Variants in GLT6D1 observed in about 807,000 individuals in gnomAD.
The protein encoded by GLT6D1 is glycosyltransferase 6 domain containing 1.
A neutral mutation model predicts 12.3 loss-of-function variants in GLT6D1; 9 were observed. The ratio of observed to expected loss-of-function variants is 0.73; its 90% CI spans 0.44 to 1.27. The LOEUF is 1.27. Ranked by LOEUF, GLT6D1 falls within the 50% of genes most tolerant of loss-of-function variation. GLT6D1 has a pLI of 0.00. For synonymous variants in GLT6D1, 128 were observed against 132.3 expected (o/e 0.97, Z 0.23); for missense variants, 335 against 346.2 (o/e 0.97, Z 0.26).
chr9:135,624,092 A>G lies in GLT6D1; in HGVS notation c.*5T>C. 1 of 1,583,920 alleles carries G rather than the reference A, an allele frequency of 6.3e-7. No individual in the cohort carries two copies. Among genetic ancestry groups the G allele is most frequent in the Middle Eastern group, 1.7e-4 (1 of 5,824 alleles). Reference sequence around the variant, plus strand: ...AAGATCCCAGCTGTATGCTGGTGATAACAGCTAGGTGGGTTTATTGAGGTA... The same window carrying G: ...AAGATCCCAGCTGTATGCTGGTGATGACAGCTAGGTGGGTTTATTGAGGTA... On this transcript the variant is annotated 3_prime_UTR_variant, in exon 5 of 5. Coordinates refer to ENST00000371763, the MANE Select transcript of GLT6D1 (RefSeq NM_182974.3).
At position 135,624,290 on chromosome 9, in the gene GLT6D1, G is replaced by A. The variant is rs752200459; in HGVS notation, c.638C>T (p.Thr213Ile). The A allele has an allele frequency of 6.2e-7, 1 of 1,604,970 alleles. No individual in the cohort carries two copies. The highest frequency in any genetic ancestry group is 8.5e-7 in the Non-Finnish European group (1 of 1,175,482). The change falls in exon 5 of 5, where the codon ACC becomes ATC. Residue 213 changes from threonine to isoleucine, a missense_variant. Physicochemically the swap from Thr to Ile is moderately conservative, Grantham distance 89. Coordinates refer to ENST00000371763, the MANE Select transcript of GLT6D1 (RefSeq NM_182974.3). ...TCCAAACGGGATGCAAGCTGCTGAG[G>A]TCGGCCTCCTCTCATAAGGGAAGTT... The part of the protein sequence containing the change: ...TKNFPYERRP[T>I]SAACIPFGQG...
At chr9:135,633,167 C>T (rs1833688054) in intron 2 of GLT6D1, among the ~76,000 whole-genome samples, 1 of 152,228 alleles carries the variant, frequency 6.6e-6, no homozygotes, top group Non-Finnish European at 1.5e-5. Flanking sequence ...CAGTTGACCC[C>T]CTCCAGCCTT....
intron 3 of GLT6D1, among the ~76,000 whole-genome samples, chr9:135,627,238 T>G (rs7026696): frequency 9.7e-5 from 11 of 113,464 alleles, no homozygotes; most frequent in Admixed American, 1.8e-4. Flanking sequence ...TAAGGAATCT[T>G]AAAAAAAAAC....
At position 135,624,290 on chromosome 9, in the gene GLT6D1, G is replaced by T. The variant is rs752200459; in HGVS notation, c.638C>A (p.Thr213Asn). 1 of 1,605,088 alleles carries T rather than the reference G, an allele frequency of 6.2e-7. No homozygotes were observed. ...TKNFPYERRP[T>N]SAACIPFGQG... ...TCCAAACGGGATGCAAGCTGCTGAG[G>T]TCGGCCTCCTCTCATAAGGGAAGTT... Residue 213 changes from threonine to asparagine, a missense_variant, in exon 5 of 5, where the codon ACC becomes AAC. By Grantham distance (65) the Thr-to-Asn change is moderately conservative (BLOSUM62 0). Transcript: ENST00000371763.
rs560408659 is a variant in GLT6D1, at chr9:135,623,978, C to T, written c.*119G>A. On this transcript the variant is annotated 3_prime_UTR_variant, in exon 5 of 5. Coordinates refer to ENST00000371763, the MANE Select transcript of GLT6D1 (RefSeq NM_182974.3). ...AAGAAATTGCCGTGATTCATTTATT[C>T]GTCATAAACCTCATGGCGTAATTCA... 8 of 659,708 alleles carry T rather than the reference C, an allele frequency of 1.2e-5. No homozygotes were observed. Among genetic ancestry groups the T allele is most frequent in the African/African-American group, 9.3e-5 (5 of 53,682 alleles). The allele number at this position is 659,708 out of a possible 1,614,324, so 40.9% of individuals were successfully genotyped here. A position where few individuals can be genotyped will look rare whatever the true frequency, so the allele number is the denominator to read the frequency against.
chr9:135,625,176 A>C (rs1402206673), intron 4 of GLT6D1, among the ~76,000 whole-genome samples: 2 of 152,114 alleles, frequency 1.3e-5, no homozygotes, highest in East Asian at 3.9e-4. Context: ...TGAGTTGGTG[A>C]GTGGGAAGGA....
chr9:135,625,671 C>A (rs1371139519), intron 4 of GLT6D1, among the ~76,000 whole-genome samples: 1 of 152,182 alleles, frequency 6.6e-6, no homozygotes, highest in East Asian at 1.9e-4. Flanking sequence ...CAACAAAATG[C>A]AGCAAGACCA....
At chr9:135,636,281 G>A (rs1028780375) in intron 2 of GLT6D1, among the ~76,000 whole-genome samples, 6 of 152,186 alleles carry the variant, frequency 3.9e-5, no homozygotes, top group African/African-American at 1.4e-4. Context: ...TTGAACCAAG[G>A]AGGCAGAAGT....
intron 2 of GLT6D1, among the ~76,000 whole-genome samples, chr9:135,635,622 T>G (rs1027140995): frequency 3.9e-5 from 6 of 152,242 alleles, no homozygotes; most frequent in Admixed American, 6.5e-5. Flanking sequence ...GCTGCTTTCC[T>G]GGAGAATGGT....
At chr9:135,640,837 A>G (rs940314219), upstream of GLT6D1, among the ~76,000 whole-genome samples, 1 of 152,066 alleles carries the variant, frequency 6.6e-6, no homozygotes, top group Non-Finnish European at 1.5e-5. Flanking sequence ...CAGTTCTTGT[A>G]CCTCTGCAAT....
chr9:135,640,060 A>G (rs73667671), upstream of GLT6D1, among the ~76,000 whole-genome samples: 876 of 152,098 alleles, frequency 5.8e-3, 10 homozygotes, highest in African/African-American at 0.018. Flanking sequence ...TGATCCGCCC[A>G]CCTCAGCCTT....
In GLT6D1 at chr9:135,639,275, T is replaced by C. The variant is rs1833844462; in HGVS notation, c.-7+18A>G. ...CATCATCTAACAATGGGTTAATGTA[T>C]GGGCATTGGACACCAACCTTAGAGG... On this transcript the variant is annotated intron_variant, in intron 1 of 4. Coordinates refer to ENST00000371763, the MANE Select transcript of GLT6D1 (RefSeq NM_182974.3). The C allele has an allele frequency of 1.1e-5, 8 of 740,944 alleles. 1 individual carries two copies. In the South Asian group the frequency reaches 1.2e-4, roughly 11 times the overall value. 45.9% of individuals were successfully genotyped at this position (740,944 alleles called of 1,614,324 possible).
chr9:135,629,147 A>G lies in GLT6D1; in HGVS notation c.119+2284T>C, dbSNP rs145134114. Among the ~76,000 whole-genome samples, 201 of 152,078 alleles carry G rather than the reference A, an allele frequency of 1.3e-3. 1 individual carries two copies. The Middle Eastern group carries it at 0.014, about 10-fold the overall frequency. ...AATGTATAAATTTTCCTTAGTGTAT[A>G]AAGTTTAAGACCAGCCTGGTCAACA... On this transcript the variant is annotated intron_variant, in intron 3 of 4. Coordinates refer to ENST00000371763, the MANE Select transcript of GLT6D1 (RefSeq NM_182974.3).
chr9:135,636,781 G>A (rs1833783165), intron 2 of GLT6D1, among the ~76,000 whole-genome samples: 1 of 152,014 alleles, frequency 6.6e-6, no homozygotes, highest in Non-Finnish European at 1.5e-5. Context: ...TTTTCAGATG[G>A]GCTTTTTGCA....
At chr9:135,640,598 T>C (rs141523770), upstream of GLT6D1, among the ~76,000 whole-genome samples, 730 of 151,924 alleles carry the variant, frequency 4.8e-3, 6 homozygotes, top group African/African-American at 0.017. Context: ...CTCACGCCTG[T>C]AATCCCAGCT....
intron 2 of GLT6D1, among the ~76,000 whole-genome samples, chr9:135,637,052 A>G (rs1204437977): frequency 6.6e-6 from 1 of 151,788 alleles, no homozygotes; most frequent in Non-Finnish European, 1.5e-5. Flanking sequence ...GGGTTTCTCC[A>G]TGTTGGTCAG....
rs1471850550 is a variant in GLT6D1 at position 135,626,306 on chromosome 9, C to G, written c.120-100G>C. 3 of 1,264,826 alleles carry G rather than the reference C, an allele frequency of 2.4e-6. No homozygotes were observed. In the African/African-American group the frequency reaches 4.5e-5, roughly 19 times the overall value. 78.4% of individuals were successfully genotyped at this position (1,264,826 alleles called of 1,614,324 possible). A position where few individuals can be genotyped will look rare whatever the true frequency, so the allele number is the denominator to read the frequency against. On this transcript the variant is annotated intron_variant, in intron 3 of 4. Coordinates refer to ENST00000371763, the MANE Select transcript of GLT6D1 (RefSeq NM_182974.3). ...TAATGCTTAGAGAGCACCTAGTGCG[C>G]GCCCAGCTCCGTGTTTGAGTGCATC...
intron 3 of GLT6D1, among the ~76,000 whole-genome samples, chr9:135,629,952 TC>T (rs1226965442): frequency 2.0e-5 from 3 of 152,214 alleles, no homozygotes; most frequent in Non-Finnish European, 4.4e-5. Context: ...ACTTTTCAAT[TC>T]TTTTAGTTAA....
rs201349980 is a variant in GLT6D1 at position 135,631,476 on chromosome 9, T to C, written c.74A>G (p.Asn25Ser). Reference protein sequence around the residue: ...SLMLVERYFRNHQVEELRLSD... With the variant: ...SLMLVERYFRSHQVEELRLSD... ...GAGCCGAAGTTCTTCTACTTGGTGA[T>C]TCCTGGATACAAAGAGAAAATCAAG... Residue 25 changes from asparagine (N) to serine (S), a missense_variant and splice_region_variant, in exon 3 of 5, where the codon AAT becomes AGT. Physicochemically the swap from Asn to Ser is conservative, Grantham distance 46 (BLOSUM62 1). Coordinates refer to ENST00000371763, the MANE Select transcript of GLT6D1 (RefSeq NM_182974.3). 1.4e-5 allele frequency: 23 copies of C among 1,610,130 alleles called. No homozygotes were observed. In the African/African-American group the frequency reaches 2.9e-4, roughly 21 times the overall value.
Sources: allele counts gnomAD v4.1 joint callset (sites outside exome capture counted in the v4.1 genomes callset), GRCh38; gene constraint gnomAD v4.1.1; transcripts MANE v1.5; gene names NCBI Gene and HGNC (gene_info 2026-07-23, HGNC 2026-07-21).